DPP10: variants seen among roughly 807,000 people sequenced by gnomAD.
DPP10 encodes the protein dipeptidyl peptidase like 10, also known as inactive dipeptidyl peptidase 10.
Under a neutral mutation model 120.9 loss-of-function variants are expected in DPP10, and 33 were observed. The ratio of observed to expected loss-of-function variants is 0.27; its 90% CI spans 0.21 to 0.37. DPP10 has a LOEUF of 0.37. Among genes scored for constraint, DPP10 ranks in the 10% least tolerant of loss-of-function variants. The pLI, the probability that DPP10 is intolerant of heterozygous loss-of-function variation, is 1.00. For missense variants in DPP10, 816 were observed against 942.8 expected, an observed-to-expected ratio of 0.87 and a Z score of 1.76; for synonymous variants, 337 against 326.1, an observed-to-expected ratio of 1.03 and a Z score of -0.36.
At chr2:115,314,135 C>T (rs2106055508) in intron 2 of DPP10, among the ~76,000 whole-genome samples, 1 of 152,246 alleles carries the variant, frequency 6.6e-6, no homozygotes, top group South Asian at 2.1e-4. Flanking sequence ...CAATTTTGGC[C>T]TGTTTTAAGA....
intron 1 of DPP10, among the ~76,000 whole-genome samples, chr2:115,173,095 T>C (rs996600883): frequency 6.6e-6 from 1 of 152,358 alleles, no homozygotes; most frequent in Admixed American, 6.5e-5. Context: ...AATTTGTTTT[T>C]TTTCCCTTCC....
intron 1 of DPP10, among the ~76,000 whole-genome samples, chr2:114,938,567 C>A (rs1056544187): frequency 6.6e-6 from 1 of 152,092 alleles, no homozygotes; most frequent in African/African-American, 2.4e-5. Flanking sequence ...TTTTCCATTG[C>A]TGTAATGAAC....
chr2:115,343,730 A>G lies in DPP10; in HGVS notation c.176-87A>G, dbSNP rs115296814. On this transcript the variant is annotated intron_variant, in intron 2 of 25. Transcript: ENST00000410059. Reference sequence around the variant, plus strand: ...TATTGTTATGTAGTTAATATATTTTAGAGCAAATATTCCAAATTTTGTAAT... The same window carrying G: ...TATTGTTATGTAGTTAATATATTTTGGAGCAAATATTCCAAATTTTGTAAT... 1,192 of 833,898 alleles carry G rather than the reference A, an allele frequency of 1.4e-3. 10 individuals carry two copies. In the African/African-American group the frequency reaches 0.017, roughly 12 times the overall value. The allele number at this position is 833,898 out of a possible 1,614,324, so 51.7% of individuals were successfully genotyped here. A position where few individuals can be genotyped will look rare whatever the true frequency, so the allele number is the denominator to read the frequency against.
intron 3 of DPP10, among the ~76,000 whole-genome samples, chr2:115,404,710 CT>C (rs1441570500): frequency 1.3e-5 from 2 of 152,062 alleles, no homozygotes; most frequent in African/African-American, 4.8e-5. Flanking sequence ...TGATCAGCAT[CT>C]GATGAGGGCC....
chr2:115,775,271 A>T (rs566477723), intron 13 of DPP10, among the ~76,000 whole-genome samples: 1 of 152,144 alleles, frequency 6.6e-6, no homozygotes, highest in South Asian at 2.1e-4. Flanking sequence ...AGCAAACATG[A>T]AATAAAGCAG....
chr2:115,505,909 G>A (rs965048480), intron 4 of DPP10, among the ~76,000 whole-genome samples: 2 of 151,892 alleles, frequency 1.3e-5, no homozygotes, highest in Non-Finnish European at 2.9e-5. Context: ...ATTCCACATT[G>A]TGTATTCTTC....
chr2:115,461,574 A>T (rs1399616371), intron 3 of DPP10, among the ~76,000 whole-genome samples: 1 of 152,150 alleles, frequency 6.6e-6, no homozygotes, highest in Non-Finnish European at 1.5e-5. Context: ...GAAGTAATGG[A>T]TGTCTTAACC....
chr2:115,190,280 A>C (rs960302341), intron 1 of DPP10, among the ~76,000 whole-genome samples: 4 of 152,126 alleles, frequency 2.6e-5, no homozygotes, highest in Non-Finnish European at 5.9e-5. Flanking sequence ...CTCCTCGTGG[A>C]ACTCCAATAG....
intron 1 of DPP10, among the ~76,000 whole-genome samples, chr2:114,606,047 G>A (rs1409732114): frequency 2.0e-4 from 30 of 151,986 alleles, no homozygotes. Context: ...TAACGATTTG[G>A]GCAGGAGAGT....
At chr2:115,432,865 A>G (rs551576749) in intron 3 of DPP10, among the ~76,000 whole-genome samples, 42 of 152,098 alleles carry the variant, frequency 2.8e-4, no homozygotes, top group Non-Finnish European at 5.3e-4. Flanking sequence ...GTCCCTTAAC[A>G]AATAATTATT....
At position 115,656,446 on chromosome 2, in the gene DPP10, T is replaced by C. The variant is rs180672213; in HGVS notation, c.442-33241T>C. Among the ~76,000 whole-genome samples the C allele has an allele frequency of 4.1e-3, 621 of 151,694 alleles. 8 individuals carry two copies. The highest frequency in any genetic ancestry group is 0.014 in the Middle Eastern group (4 of 294). On this transcript the variant is annotated intron_variant, in intron 5 of 25. Transcript: ENST00000410059. ...CAGAATATCACTAATGTTTTATATG[T>C]AGTTCTGAAGATTTGTACAAACCTC...
chr2:115,308,598 C>G (rs1403554575), intron 1 of DPP10, among the ~76,000 whole-genome samples: 1 of 151,914 alleles, frequency 6.6e-6, no homozygotes, highest in Non-Finnish European at 1.5e-5. Flanking sequence ...CCCCATCAAC[C>G]ATACCTTTTT....
intron 1 of DPP10, among the ~76,000 whole-genome samples, chr2:114,996,787 T>C (rs781168208): frequency 5.4e-4 from 82 of 151,856 alleles, no homozygotes; most frequent in Non-Finnish European, 1.0e-3. Context: ...ATTGAGACCA[T>C]CCTGGCTAAC....
At chr2:114,601,123 G>T (rs1178735462) in intron 1 of DPP10, among the ~76,000 whole-genome samples, 2 of 151,798 alleles carry the variant, frequency 1.3e-5, no homozygotes, top group Non-Finnish European at 2.9e-5. Context: ...AGGTGATTTT[G>T]TATAACATCT....
chr2:114,468,533 A>C (rs972608105), intron 1 of DPP10, among the ~76,000 whole-genome samples: 3 of 152,152 alleles, frequency 2.0e-5, no homozygotes, highest in Non-Finnish European at 2.9e-5. Context: ...TTTCCTGCAG[A>C]AACAGTTACA....
At chr2:114,576,048 A>T (rs1027015621) in intron 1 of DPP10, among the ~76,000 whole-genome samples, 1 of 152,256 alleles carries the variant, frequency 6.6e-6, no homozygotes, top group Non-Finnish European at 1.5e-5. Flanking sequence ...GAACTAGGAT[A>T]AAGTAAAACT....
chr2:114,877,659 A>G (rs879788708), intron 1 of DPP10, among the ~76,000 whole-genome samples: 1 of 152,080 alleles, frequency 6.6e-6, no homozygotes, highest in Non-Finnish European at 1.5e-5. Flanking sequence ...TTCACTTACA[A>G]ATCATAAGTT....
At chr2:114,635,324 T>G (rs1193598036) in intron 1 of DPP10, among the ~76,000 whole-genome samples, 1 of 151,920 alleles carries the variant, frequency 6.6e-6, no homozygotes. Context: ...GAGGGAAATG[T>G]AGTTGAGCAC....
intron 1 of DPP10, among the ~76,000 whole-genome samples, chr2:114,594,416 G>T (rs1224575038): frequency 6.8e-6 from 1 of 147,634 alleles, no homozygotes; most frequent in East Asian, 2.0e-4. Flanking sequence ...ACATATATGT[G>T]AATACATATA....
Sources: gnomAD v4.1 joint callset for allele counts (sites outside exome capture counted in the v4.1 genomes callset) on GRCh38, gnomAD v4.1.1 for gene constraint, MANE v1.5 for transcripts, NCBI Gene and HGNC (gene_info 2026-07-23, HGNC 2026-07-21) for gene names.